Variants in CEP112 observed in about 807,000 individuals in gnomAD.
The protein encoded by CEP112 is centrosomal protein 112.
In CEP112, 127 loss-of-function variants were observed where a neutral mutation model predicts 153.0. That is an observed-to-expected ratio of 0.83 (90% CI 0.72 to 0.96). The LOEUF (loss-of-function observed/expected upper bound fraction) is 0.96. Among genes scored for constraint, CEP112 ranks in the 40% least tolerant of loss-of-function variants. The probability of loss-of-function intolerance (pLI) is 0.00; values close to 1 mark genes in which losing one functional copy is unlikely to be tolerated. For missense variants in CEP112, 1,089 were observed against 1,101.2 expected (o/e 0.99, Z 0.16); for synonymous variants, 358 against 374.4 (o/e 0.96, Z 0.51).
intron 21 of CEP112, among the ~76,000 whole-genome samples, chr17:65,833,383 G>C (rs1038944502): frequency 6.6e-6 from 1 of 152,108 alleles, no homozygotes; most frequent in Non-Finnish European, 1.5e-5. Flanking sequence ...CAGAAATAAA[G>C]GACATCCGAA....
At chr17:65,976,735 C>CTTTTTTTTTTT (rs771108755) in intron 17 of CEP112, among the ~76,000 whole-genome samples, 2 of 85,358 alleles carry the variant, frequency 2.3e-5, no homozygotes, top group African/African-American at 5.4e-5. Context: ...ATAACTTTTT[C>CTTTTTTTTTTT]TTTTTTTTTT....
At chr17:65,855,806 G>A (rs1295880615) in intron 20 of CEP112, among the ~76,000 whole-genome samples, 3 of 152,188 alleles carry the variant, frequency 2.0e-5, no homozygotes, top group Non-Finnish European at 4.4e-5. Flanking sequence ...GCTTATGCCT[G>A]TAATCACAGC....
chr17:65,721,698 G>A (rs1023297520), intron 23 of CEP112, among the ~76,000 whole-genome samples: 1 of 152,140 alleles, frequency 6.6e-6, no homozygotes, highest in African/African-American at 2.4e-5. Context: ...CATCTATGAG[G>A]CTGCAAGAGA....
intron 24 of CEP112, among the ~76,000 whole-genome samples, chr17:65,652,704 A>T (rs1018034542): frequency 3.3e-5 from 5 of 152,246 alleles, no homozygotes; most frequent in African/African-American, 1.2e-4. Context: ...AGCTCCTATG[A>T]ATCCAGAATC....
At chr17:66,099,214 C>T (rs1046932761) in intron 6 of CEP112, among the ~76,000 whole-genome samples, 3 of 152,100 alleles carry the variant, frequency 2.0e-5, no homozygotes, top group Non-Finnish European at 4.4e-5. Flanking sequence ...CAAAAGAAGA[C>T]AAGCCATGGC....
At chr17:65,984,436 T>C (rs1156758729) in intron 17 of CEP112, among the ~76,000 whole-genome samples, 2 of 152,182 alleles carry the variant, frequency 1.3e-5, no homozygotes, top group African/African-American at 2.4e-5. Flanking sequence ...TTTCGAAACG[T>C]TGCACAGGCC....
At chr17:66,168,449 GTA>G (rs1374002195) in intron 4 of CEP112, among the ~76,000 whole-genome samples, 3 of 142,856 alleles carry the variant, frequency 2.1e-5, no homozygotes, top group Admixed American at 7.1e-5. Flanking sequence ...ATATGTGTGT[GTA>G]TATATGTATA....
chr17:65,750,683 C>T lies in CEP112; in HGVS notation c.2436G>A (p.Gln812=). Residue 812 remains glutamine (Q), a synonymous_variant, in exon 22 of 27, where the codon CAG becomes CAA. Transcript: ENST00000535342. ...TTACCTGTGAAGATTTGGCAAGCTTCTGAGTGTATTCCTTCTCAATCTGCT... is the reference window on the plus strand; with the variant it reads ...TTACCTGTGAAGATTTGGCAAGCTTTTGAGTGTATTCCTTCTCAATCTGCT... ...KLKQIEKEYT[Q]KLAKSSQIIA... 6.2e-7 allele frequency: 1 copy of T among 1,614,068 alleles called. No homozygotes were observed.
chr17:65,937,786 G>T (rs2061388900), intron 18 of CEP112, among the ~76,000 whole-genome samples: 1 of 92,948 alleles, frequency 1.1e-5, no homozygotes, highest in South Asian at 7.5e-4. Context: ...CCGTCTGGGA[G>T]GGGGGTGGGG....
intron 8 of CEP112, among the ~76,000 whole-genome samples, chr17:66,084,255 G>C (rs562562714): frequency 4.6e-5 from 7 of 152,090 alleles, no homozygotes; most frequent in Non-Finnish European, 8.8e-5. Flanking sequence ...CAGTTTGGAG[G>C]TTCCTCAAAA....
intron 19 of CEP112, among the ~76,000 whole-genome samples, chr17:65,910,604 A>C (rs770459588): frequency 6.6e-6 from 1 of 152,220 alleles, no homozygotes; most frequent in Non-Finnish European, 1.5e-5. Flanking sequence ...CTCCATCACA[A>C]AATTGATTCT....
chr17:65,823,265 T>C (rs1310393531), intron 21 of CEP112, among the ~76,000 whole-genome samples: 1 of 152,132 alleles, frequency 6.6e-6, no homozygotes, highest in Admixed American at 6.5e-5. Context: ...CAACTTATAC[T>C]ACCTATCTCT....
intron 20 of CEP112, among the ~76,000 whole-genome samples, chr17:65,889,230 C>T (rs1431543502): frequency 1.3e-5 from 2 of 152,068 alleles, no homozygotes; most frequent in Non-Finnish European, 2.9e-5. Flanking sequence ...AACTGGATCT[C>T]GTTTTCCACC....
At chr17:65,644,542 G>A in intron 24 of CEP112, 1 of 223,810 alleles carries the variant, frequency 4.5e-6, no homozygotes, top group South Asian at 8.8e-5. Context: ...TGGAACACAA[G>A]GTCAAAACTT....
chr17:66,027,593 TTTAAA>T, intron 15 of CEP112, 33 bp from the exon 16 acceptor site: 1 of 1,189,898 alleles, frequency 8.4e-7, no homozygotes, highest in East Asian at 3.4e-5. Flanking sequence ...TTTATTATAC[TTTAAA>T]TTATACTAGA....
chr17:65,752,156 C>G (rs2051917273), intron 21 of CEP112, among the ~76,000 whole-genome samples: 1 of 151,764 alleles, frequency 6.6e-6, no homozygotes, highest in South Asian at 2.1e-4. Context: ...TCTGAGTTCC[C>G]TTTGTTTATT....
chr17:65,826,211 A>T (rs747985159), intron 21 of CEP112: 7 of 1,614,072 alleles, frequency 4.3e-6, no homozygotes, highest in Non-Finnish European at 5.9e-6. Context: ...TGTCTTGGGG[A>T]CATTACCATT....
intron 21 of CEP112, among the ~76,000 whole-genome samples, chr17:65,776,253 G>C (rs979568018): frequency 2.0e-5 from 3 of 149,984 alleles, no homozygotes; most frequent in Non-Finnish European, 2.9e-5. Flanking sequence ...CTTTTTTTTT[G>C]AGACGGAGTC....
At chr17:65,925,338 G>C (rs2060887013) in intron 19 of CEP112, among the ~76,000 whole-genome samples, 1 of 152,176 alleles carries the variant, frequency 6.6e-6, no homozygotes, top group Non-Finnish European at 1.5e-5. Context: ...AAATTACCCA[G>C]TCTTGGGTAT....
Sources: gnomAD v4.1 joint callset for allele counts (sites outside exome capture counted in the v4.1 genomes callset) on GRCh38, gnomAD v4.1.1 for gene constraint, MANE v1.5 for transcripts, NCBI Gene and HGNC (gene_info 2026-07-23, HGNC 2026-07-21) for gene names.